Variants in PRELID2 observed in about 807,000 individuals in gnomAD.
PRELID2 encodes the protein PRELI domain-containing protein 2.
PRELID2 carries 25 observed loss-of-function variants against 28.4 expected under a neutral mutation model. The observed-to-expected ratio is 0.88, with a 90% CI of 0.64 to 1.23. The LOEUF (loss-of-function observed/expected upper bound fraction) is 1.23, where lower values mean the gene tolerates loss of function less well. Among genes scored for constraint, PRELID2 ranks in the 50% most tolerant of loss-of-function variants. The pLI is 0.00. For synonymous variants in PRELID2, 76 were observed against 71.6 expected, an observed-to-expected ratio of 1.06 and a Z score of -0.31; for missense variants, 201 against 214.4, an observed-to-expected ratio of 0.94 and a Z score of 0.39.
intron 1 of PRELID2, among the ~76,000 whole-genome samples, chr5:145,656,435 A>T (rs1754395041): frequency 6.6e-6 from 1 of 152,146 alleles, no homozygotes; most frequent in Admixed American, 6.5e-5. Flanking sequence ...TCATGTTACT[A>T]TAAAGACCCA....
chr5:145,423,630 C>A, the PRELID2 span, among the ~76,000 whole-genome samples: 1 of 130,908 alleles, frequency 7.6e-6, no homozygotes, highest in Non-Finnish European at 1.6e-5. Flanking sequence ...TCTAGTTATA[C>A]ATTCTTCTAA....
intron 1 of PRELID2, among the ~76,000 whole-genome samples, chr5:145,573,036 G>T (rs1226638468): frequency 6.6e-6 from 1 of 152,046 alleles, no homozygotes; most frequent in Non-Finnish European, 1.5e-5. Context: ...CCTCCCTTAG[G>T]CAATAGGATA....
chr5:145,391,486 C>G, the PRELID2 span, among the ~76,000 whole-genome samples: 1 of 152,178 alleles, frequency 6.6e-6, no homozygotes, highest in Non-Finnish European at 1.5e-5. Flanking sequence ...CTGCATAGAG[C>G]AGAAGGATCG....
At chr5:145,625,257 A>G (rs1234375917) in intron 1 of PRELID2, among the ~76,000 whole-genome samples, 1 of 152,154 alleles carries the variant, frequency 6.6e-6, no homozygotes, top group African/African-American at 2.4e-5. Context: ...TCCAGAACAC[A>G]TGTACAAAGC....
At chr5:145,706,396 C>T (rs548013211) in intron 1 of PRELID2, among the ~76,000 whole-genome samples, 193 of 152,254 alleles carry the variant, frequency 1.3e-3, no homozygotes, top group African/African-American at 4.5e-3. Flanking sequence ...AATTGATGAG[C>T]GTAACTCCTT....
At chr5:145,422,926 G>A in the PRELID2 span, among the ~76,000 whole-genome samples, 7 of 151,360 alleles carry the variant, frequency 4.6e-5, no homozygotes, top group Non-Finnish European at 1.0e-4. Context: ...TGTAAGGCAG[G>A]CCTGGTGGTG....
intron 5 of PRELID2, among the ~76,000 whole-genome samples, chr5:145,794,234 C>T (rs1207278093): frequency 6.6e-6 from 1 of 152,174 alleles, no homozygotes; most frequent in Non-Finnish European, 1.5e-5. Flanking sequence ...AGGAATACCA[C>T]TTGGTTGCTG....
Position 145,806,710 on chromosome 5 carries a change from C to T in PRELID2, c.369-10163G>A, listed in dbSNP as rs555654461. ...TGTCAAGGGAGGGACCTGGTGGGAG[C>T]TGATTGGATCATGGGAGTGGTTTCC... On this transcript the variant is annotated intron_variant, in intron 4 of 6. Coordinates refer to ENST00000683046, the MANE Select transcript of PRELID2 (RefSeq NM_205846.3). 2.4e-4 allele frequency among the ~76,000 whole-genome samples: 37 copies of T among 152,274 alleles called. No homozygotes were observed. The South Asian group carries it at 7.7e-3, about 32-fold the overall frequency.
chr5:145,446,798 G>T, the PRELID2 span, among the ~76,000 whole-genome samples: 12 of 152,108 alleles, frequency 7.9e-5, no homozygotes. Context: ...TGTAATATCA[G>T]CACTTTGGGA....
chr5:145,353,496 T>C, the PRELID2 span, among the ~76,000 whole-genome samples: 1 of 150,492 alleles, frequency 6.6e-6, no homozygotes, highest in African/African-American at 2.4e-5. Flanking sequence ...AAGAAATACC[T>C]GAGACCGGGT....
intron 1 of PRELID2, among the ~76,000 whole-genome samples, chr5:145,680,608 A>G (rs954295110): frequency 6.6e-6 from 1 of 152,220 alleles, no homozygotes; most frequent in African/African-American, 2.4e-5. Flanking sequence ...ACAGAGATGC[A>G]AAAACAATCG....
At chr5:145,271,416 A>G in the PRELID2 span, among the ~76,000 whole-genome samples, 1 of 151,802 alleles carries the variant, frequency 6.6e-6, no homozygotes, top group African/African-American at 2.4e-5. Flanking sequence ...AGGTCTCACT[A>G]TGTTGCCTAG....
chr5:145,267,080 A>G, the PRELID2 span, among the ~76,000 whole-genome samples: 121,886 of 151,972 alleles, frequency 0.8, 49,612 homozygotes, highest in East Asian at 0.94. Context: ...ACAATAGGCC[A>G]TCTGCAAGCC....
At chr5:145,536,974 T>C (rs1380216317) in intron 1 of PRELID2, among the ~76,000 whole-genome samples, 6 of 151,848 alleles carry the variant, frequency 4.0e-5, no homozygotes, top group Non-Finnish European at 8.8e-5. Flanking sequence ...TTTAAGTTTT[T>C]AATTTTTAAA....
Position 145,765,003 on chromosome 5 carries a change from A to G in PRELID2, c.475-3T>C. On this transcript the variant is annotated splice_region_variant and splice_polypyrimidine_tract_variant and intron_variant, in intron 5 of 6. Transcript: ENST00000683046. ...AGCATCTCCATGATTCTAATTCCCTATAGAAAGAAGGAAAAAAAATTAAAA... is the reference window on the plus strand; with the variant it reads ...AGCATCTCCATGATTCTAATTCCCTGTAGAAAGAAGGAAAAAAAATTAAAA... 1 of 1,593,508 alleles carries G rather than the reference A, an allele frequency of 6.3e-7. No homozygotes were observed. Among genetic ancestry groups the G allele is most frequent in the Non-Finnish European group, 8.5e-7 (1 of 1,171,044 alleles).
chr5:145,403,297 G>T, the PRELID2 span, among the ~76,000 whole-genome samples: 1 of 152,144 alleles, frequency 6.6e-6, no homozygotes, highest in South Asian at 2.1e-4. Context: ...CAGCACTTTG[G>T]GAGACTGAGG....
chr5:145,713,350 T>TTATATATA (rs148194664), intron 1 of PRELID2, among the ~76,000 whole-genome samples: 12 of 124,682 alleles, frequency 9.6e-5, no homozygotes, highest in African/African-American at 3.1e-4. Context: ...ATATCTGACT[T>TTATATATA]TATATATATA....
chr5:145,795,748 T>A (rs1238575479), intron 5 of PRELID2: 4 of 152,118 alleles, frequency 2.6e-5, no homozygotes, highest in Non-Finnish European at 1.5e-5. Context: ...TAAAAATGCA[T>A]AAGCAATGGG....
intron 1 of PRELID2, among the ~76,000 whole-genome samples, chr5:145,688,952 A>C (rs1476673001): frequency 6.6e-6 from 1 of 152,220 alleles, no homozygotes; most frequent in Admixed American, 6.5e-5. Context: ...TATTTTAACA[A>C]AAATAATTGA....
Sources: allele counts gnomAD v4.1 joint callset (sites outside exome capture counted in the v4.1 genomes callset), GRCh38; gene constraint gnomAD v4.1.1; transcripts MANE v1.5; gene names NCBI Gene and HGNC (gene_info 2026-07-23, HGNC 2026-07-21).